Variants in CCNE2 observed in about 807,000 individuals in gnomAD.
CCNE2 encodes G1/S-specific cyclin-E2.
In CCNE2, 18 loss-of-function variants were observed where a neutral mutation model predicts 56.8. The observed-to-expected ratio is 0.32, with a 90% CI of 0.22 to 0.47. The LOEUF is 0.47. Among genes scored for constraint, CCNE2 ranks in the 20% least tolerant of loss-of-function variants. The probability of loss-of-function intolerance (pLI) is 1.00; values close to 1 mark genes in which losing one functional copy is unlikely to be tolerated. For missense variants in CCNE2, 371 were observed against 467.1 expected (o/e 0.79, Z 1.90); for synonymous variants, 139 against 149.2 (o/e 0.93, Z 0.50).
At chr8:94,887,678 G>A (rs953635089) in intron 7 of CCNE2, among the ~76,000 whole-genome samples, 1 of 152,090 alleles carries the variant, frequency 6.6e-6, no homozygotes, top group Admixed American at 6.6e-5. Flanking sequence ...ATGAGCCATG[G>A]GACATTTCAC....
chr8:94,892,943 C>A lies in CCNE2; in HGVS notation c.192G>T (p.Gly64=). 6.5e-7 allele frequency: 1 copy of A among 1,536,902 alleles called. No homozygotes were observed. Among genetic ancestry groups the A allele is most frequent in the Non-Finnish European group, 8.7e-7 (1 of 1,154,346 alleles). The change falls in exon 5 of 12, where the codon GGG becomes GGT. Residue 64 remains glycine (G), a synonymous_variant. Coordinates refer to ENST00000308108, the MANE Select transcript of CCNE2 (RefSeq NM_057749.3). ...CAATGATAATGCAAGGACTGATCCC[C>A]CCAGATAATACAGGTGGCCAACAAT... The part of the protein sequence containing the change: ...IRNCWPPVLS[G]GISPCIIIET...
chr8:94,886,891 T>G (rs1245688545), intron 7 of CCNE2, among the ~76,000 whole-genome samples: 1 of 152,184 alleles, frequency 6.6e-6, no homozygotes, highest in Non-Finnish European at 1.5e-5. Context: ...GGCTAAAAGA[T>G]CAGGATTTCA....
At chr8:94,884,843 C>A (rs1327933776) in intron 9 of CCNE2, 1 of 398,306 alleles carries the variant, frequency 2.5e-6, no homozygotes, top group Non-Finnish European at 4.5e-6. Flanking sequence ...TTAGTTTGGA[C>A]TCCTAAAGAA....
In CCNE2 at chr8:94,887,927, C is replaced by T; in HGVS notation, c.600G>A (p.Glu200=). ...TAAGGATAAACTTTTAAGAACTTAC[C>T]TCAAGTTTGGAAGCAATGAATAATG... is the stretch of plus-strand genomic sequence containing the variant. The part of the protein sequence containing the change: ...ITSLFIASKL[E]EIYAPKLQEF... The change falls in exon 7 of 12, where the codon GAG becomes GAA. Residue 200 remains glutamate (E), a splice_region_variant and synonymous_variant. Transcript: ENST00000308108. 6.4e-7 allele frequency: 1 copy of T among 1,561,030 alleles called. No homozygotes were observed. The highest frequency in any genetic ancestry group is 2.3e-5 in the East Asian group (1 of 43,120).
intron 9 of CCNE2, 31 bp downstream of exon 9, chr8:94,885,036 A>G (rs745377145): frequency 6.3e-7 from 1 of 1,597,506 alleles, no homozygotes; most frequent in Non-Finnish European, 8.6e-7. Context: ...AATTAATAAC[A>G]TTACCATTGA....
intron 11 of CCNE2, 146 bp from the exon 12 acceptor site, chr8:94,881,891 G>A (rs750304976): frequency 1.0e-6 from 1 of 991,212 alleles, no homozygotes; most frequent in Non-Finnish European, 1.4e-6. Flanking sequence ...GAAAGTTTCT[G>A]TAACGTTATA....
intron 9 of CCNE2, chr8:94,884,803 T>G (rs11786451): frequency 0.17 from 50,528 of 290,030 alleles, 4,801 homozygotes; most frequent in Middle Eastern, 0.23. Context: ...AAAAAATGCT[T>G]TTCCCCATTT....
intron 4 of CCNE2, chr8:94,893,492 A>T (rs977952448): frequency 2.2e-5 from 4 of 184,912 alleles, no homozygotes; most frequent in African/African-American, 9.4e-5. Flanking sequence ...TAAAACACAT[A>T]GGAAGAAGAG....
chr8:94,896,414 C>G (rs1262660664), upstream of CCNE2: 2 of 152,162 alleles, frequency 1.3e-5, no homozygotes, highest in African/African-American at 4.8e-5. Context: ...TTAGGGGTCC[C>G]TTCGCTGCCT....
intron 11 of CCNE2, 48 bp downstream of exon 11, chr8:94,882,084 C>G: frequency 6.5e-7 from 1 of 1,549,430 alleles, no homozygotes; most frequent in Admixed American, 1.9e-5. Flanking sequence ...GTTTTGGTGA[C>G]TTACTAGATT....
At chr8:94,893,065 A>G (rs959530222) in intron 4 of CCNE2, 96 bp from the exon 5 acceptor site, 1 of 1,004,018 alleles carries the variant, frequency 1.0e-6, no homozygotes, top group African/African-American at 1.7e-5. Context: ...TGTCTAAAGA[A>G]TCATAATTTT....
At chr8:94,892,625 T>C (rs1361686431) in intron 5 of CCNE2, among the ~76,000 whole-genome samples, 193 bp downstream of exon 5, 1 of 152,224 alleles carries the variant, frequency 6.6e-6, no homozygotes, top group African/African-American at 2.4e-5. Context: ...AATAATTTTA[T>C]AGAATCAGTG....
intron 4 of CCNE2, chr8:94,893,623 T>C (rs1054239107): frequency 2.1e-5 from 10 of 481,626 alleles, no homozygotes; most frequent in Non-Finnish European, 3.7e-5. Context: ...ATTGGACAGA[T>C]TAGGCGGGCC....
In CCNE2 at chr8:94,882,167, T is replaced by G. The variant is rs967814733; in HGVS notation, c.1066A>C (p.Asn356His). 7 of 1,612,990 alleles carry G rather than the reference T, an allele frequency of 4.3e-6. No homozygotes were observed. The highest frequency in any genetic ancestry group is 5.9e-6 in the Non-Finnish European group (7 of 1,179,664). The change falls in exon 11 of 12, where the codon AAT (asparagine) becomes CAT (histidine). Residue 356 changes from asparagine (N) to histidine (H), a missense_variant. Asn to His is a moderately conservative substitution (Grantham distance 68). Coordinates refer to ENST00000308108, the MANE Select transcript of CCNE2 (RefSeq NM_057749.3). ...AAATAGTTTGTATGTGTCTGGATAT[T>G]ATGTCTGTCTTCCATAGGAATCTTC... ...FKKIPMEDRH[N>H]IQTHTNYLAM... is the part of the protein sequence containing the mutation.
In CCNE2 at chr8:94,894,098, C is replaced by T. The variant is rs761760545; in HGVS notation, c.36G>A (p.Gln12=). The change falls in exon 3 of 12, where the codon CAG becomes CAA. Residue 12 remains glutamine (Q), a synonymous_variant. Transcript: ENST00000308108. ...SRRSSRLQAK[Q]QPQPSQTESP... is the part of the protein sequence containing the mutation. ...ATTCCGTCTGGCTGGGCTGGGGCTG[C>T]TGCTTAGCTTGTAAACGGCTACTGT... The T allele has an allele frequency of 1.2e-5, 19 of 1,613,594 alleles. No individual in the cohort carries two copies. The highest frequency in any genetic ancestry group is 1.6e-5 in the Non-Finnish European group (19 of 1,179,756).
At position 94,885,458 on chromosome 8, in the gene CCNE2, A is replaced by T; in HGVS notation, c.696+5T>A. 2 of 1,518,444 alleles carry T rather than the reference A, an allele frequency of 1.3e-6. No individual in the cohort carries two copies. The highest frequency in any genetic ancestry group is 1.8e-6 in the Non-Finnish European group (2 of 1,108,064). 94.1% of individuals were successfully genotyped at this position (1,518,444 alleles called of 1,614,324 possible). A position where few individuals can be genotyped will look rare whatever the true frequency, so the allele number is the denominator to read the frequency against. On this transcript the variant is annotated splice_donor_5th_base_variant and intron_variant, in intron 8 of 11. Transcript: ENST00000308108. Reference sequence around the variant, plus strand: ...TTGCAACTAGGAAAACATAATTATTATTACCTTTAATATAATGAGTTCCAT... The same window carrying T: ...TTGCAACTAGGAAAACATAATTATTTTTACCTTTAATATAATGAGTTCCAT...
intron 6 of CCNE2, among the ~76,000 whole-genome samples, chr8:94,888,827 CAT>C (rs1817126414): frequency 1.3e-5 from 2 of 152,124 alleles, no homozygotes; most frequent in East Asian, 1.9e-4. Context: ...CACCTGGCCA[CAT>C]GAGTTTCTAA....
intron 1 of CCNE2, 47 bp downstream of exon 1, chr8:94,895,130 G>T: frequency 4.1e-6 from 4 of 967,530 alleles, no homozygotes; most frequent in Non-Finnish European, 4.9e-6. Flanking sequence ...CGGCCCAACT[G>T]GGCTTTCTTT....
At chr8:94,889,170 G>A (rs1315837228) in intron 6 of CCNE2, among the ~76,000 whole-genome samples, 1 of 151,426 alleles carries the variant, frequency 6.6e-6, no homozygotes, top group East Asian at 1.9e-4. Context: ...AAAGAATGTC[G>A]AATTTCAAAA....
Sources: gnomAD v4.1 joint callset for allele counts (sites outside exome capture counted in the v4.1 genomes callset) on GRCh38, gnomAD v4.1.1 for gene constraint, MANE v1.5 for transcripts, NCBI Gene and HGNC (gene_info 2026-07-23, HGNC 2026-07-21) for gene names.